The following MTERF4 variants were observed in gnomAD, a reference collection of about 807,000 sequenced individuals.
MTERF4 encodes the protein mitochondrial transcription termination factor 4.
A neutral mutation model predicts 22.5 loss-of-function variants in MTERF4; 17 were observed. The ratio of observed to expected loss-of-function variants is 0.75; its 90% confidence interval spans 0.52 to 1.13. The LOEUF (loss-of-function observed/expected upper bound fraction) is 1.13, where lower values mean the gene tolerates loss of function less well. MTERF4 is among the 50% of genes most tolerant of loss of function. The probability of loss-of-function intolerance (pLI) is 0.00; values close to 1 mark genes in which losing one functional copy is unlikely to be tolerated. For synonymous variants in MTERF4, 165 were observed against 175.3 expected, an observed-to-expected ratio of 0.94 and a Z score of 0.47; for missense variants, 420 against 466.8, an observed-to-expected ratio of 0.90 and a Z score of 0.92.
downstream of MTERF4, chr2:241,071,684 A>T: frequency 6.5e-7 from 1 of 1,545,154 alleles, no homozygotes; most frequent in South Asian, 1.2e-5. Flanking sequence ...CTGCTCAATG[A>T]CCACAGCGCC....
At chr2:241,049,626 AAG>A in the MTERF4 span, among the ~76,000 whole-genome samples, 2 of 152,152 alleles carry the variant, frequency 1.3e-5, no homozygotes, top group African/African-American at 4.8e-5. Flanking sequence ...AATCGAGAAA[AAG>A]AGAAATTCCA....
the MTERF4 span, chr2:241,048,988 G>C: frequency 6.4e-7 from 1 of 1,552,628 alleles, no homozygotes; most frequent in East Asian, 2.3e-5. Flanking sequence ...AAGACATGTG[G>C]AATATGGGAT....
downstream of MTERF4, chr2:241,088,622 T>G: frequency 1.8e-6 from 1 of 555,484 alleles, no homozygotes; most frequent in Admixed American, 3.3e-5. Flanking sequence ...CAAATACACC[T>G]TCAGGTGGAA....
At chr2:241,055,967 AGAATACAGTATGTTCATCCTAGTGT>A in the MTERF4 span, among the ~76,000 whole-genome samples, 1 of 152,244 alleles carries the variant, frequency 6.6e-6, no homozygotes, top group Non-Finnish European at 1.5e-5. Context: ...TACCTAGTAG[AGAATACAGTATGTTCATCCTAGTGT>A]GAAATTTTCT....
downstream of MTERF4, among the ~76,000 whole-genome samples, chr2:241,089,661 GAC>G (rs1461195949): frequency 6.6e-6 from 1 of 152,188 alleles, no homozygotes. Flanking sequence ...ACCCTCCAAA[GAC>G]ACACACACTA....
the MTERF4 span, chr2:241,050,013 C>G: frequency 3.9e-6 from 4 of 1,038,914 alleles, no homozygotes; most frequent in African/African-American, 3.1e-5. Flanking sequence ...TCTCTGCTGT[C>G]TCTCTCCTTG....
the MTERF4 span, chr2:241,064,781 CG>C: frequency 2.5e-6 from 3 of 1,209,506 alleles, no homozygotes; most frequent in African/African-American, 1.6e-5. This position sits in a 1 kb window ranked among gnomAD's most constrained non-coding sequence, Gnocchi z 7.0. Flanking sequence ...GGAGCAAGGG[CG>C]GGGCTGGAGC....
rs763664551 is a variant in MTERF4, at chr2:241,102,275, G to A, written c.-2C>T. 1.6e-5 allele frequency: 25 copies of A among 1,549,450 alleles called. No individual in the cohort carries two copies. Among genetic ancestry groups the A allele is most frequent in the Non-Finnish European group, 2.2e-5 (25 of 1,146,026 alleles). ...TACCTGACGGCCGAACGCAGCCATA[G>A]CGCGGAGAAGATGGCAGCAGTTACG... On this transcript the variant is annotated 5_prime_UTR_variant, in exon 1 of 4. Coordinates refer to ENST00000391980, the MANE Select transcript of MTERF4 (RefSeq NM_182501.4).
At chr2:241,071,517 G>T, downstream of MTERF4, 1 of 1,537,964 alleles carries the variant, frequency 6.5e-7, no homozygotes, top group East Asian at 2.4e-5. Flanking sequence ...TGCCACAGGG[G>T]CAGGGACAGG....
intron 4 of MTERF4, among the ~76,000 whole-genome samples, chr2:241,079,898 C>T (rs895285335): frequency 3.9e-5 from 6 of 152,104 alleles, no homozygotes; most frequent in African/African-American, 1.4e-4. Context: ...GAAATGATTG[C>T]ATGTATATGG....
intron 4 of MTERF4, among the ~76,000 whole-genome samples, chr2:241,080,065 A>T (rs974384649): frequency 1.3e-5 from 2 of 152,160 alleles, no homozygotes; most frequent in African/African-American, 4.8e-5. Flanking sequence ...CGGGCAGTTG[A>T]CTTGAGGTCA....
downstream of MTERF4, chr2:241,087,782 G>A (rs1575141907): frequency 1.0e-6 from 1 of 975,844 alleles, no homozygotes; most frequent in Non-Finnish European, 1.4e-6. Flanking sequence ...ACAGCCCCGA[G>A]TATTTAATGG....
chr2:241,069,101 T>G, downstream of MTERF4: 1 of 999,500 alleles, frequency 1.0e-6, no homozygotes, highest in Non-Finnish European at 1.5e-6. This position sits in a 1 kb window ranked among gnomAD's most constrained non-coding sequence, Gnocchi z 4.9. Flanking sequence ...CCTCCCCTAG[T>G]CCTCTCCAAA....
At chr2:241,072,791 T>G in exon 5 of MTERF4, 1 of 189,658 alleles carries the variant, frequency 5.3e-6, no homozygotes, top group East Asian at 1.4e-4. Context: ...GGATATGAAG[T>G]GCCCGAGGGT....
At chr2:241,066,997 T>C in the MTERF4 span, among the ~76,000 whole-genome samples, 8 of 152,134 alleles carry the variant, frequency 5.3e-5, no homozygotes, top group Non-Finnish European at 1.2e-4. Context: ...TGAGCAGGTG[T>C]CAGCAGGAGC....
intron 1 of MTERF4, among the ~76,000 whole-genome samples, chr2:241,100,198 T>C (rs2064641168): frequency 6.6e-6 from 1 of 152,204 alleles, no homozygotes. Flanking sequence ...CACCTGGTCA[T>C]GTGTGCCAGA....
At chr2:241,088,957 G>A (rs2063733484), downstream of MTERF4, 1 of 230,368 alleles carries the variant, frequency 4.3e-6, no homozygotes, top group African/African-American at 2.3e-5. Flanking sequence ...AGTCGTCACT[G>A]ACACTGGGCT....
the MTERF4 span, among the ~76,000 whole-genome samples, chr2:241,047,646 C>A: frequency 1.5e-3 from 229 of 152,336 alleles, no homozygotes; most frequent in Admixed American, 2.7e-3. Flanking sequence ...CTGGAAAATC[C>A]CAAATACTTC....
chr2:241,048,254 G>A, the MTERF4 span: 6 of 1,508,474 alleles, frequency 4.0e-6, no homozygotes, highest in Middle Eastern at 1.8e-4. Context: ...GGAGCTGGGC[G>A]GGGAGACCAC....
Sources: gnomAD v4.1 joint callset for allele counts (sites outside exome capture counted in the v4.1 genomes callset) on GRCh38, gnomAD v4.1.1 for gene constraint, Gnocchi (gnomAD v3.1) non-coding constraint, MANE v1.5 for transcripts, NCBI Gene and HGNC (gene_info 2026-07-23, HGNC 2026-07-21) for gene names.